Variants in DDR2 observed in about 807,000 individuals in gnomAD.
The protein encoded by DDR2 is discoidin domain-containing receptor 2.
In DDR2, 27 loss-of-function variants were observed where a neutral mutation model predicts 94.9. That is an observed-to-expected ratio of 0.28 (90% confidence interval 0.21 to 0.39). The LOEUF (loss-of-function observed/expected upper bound fraction) is 0.39, where lower values mean the gene tolerates loss of function less well. DDR2 is among the 10% of genes least tolerant of loss of function. DDR2 has a pLI of 1.00. For missense variants in DDR2, 783 were observed against 1,076.0 expected (o/e 0.73, Z 3.81); for synonymous variants, 382 against 377.2 (o/e 1.01, Z -0.15).
At chr1:162,751,059 G>A (rs1338630781) in intron 3 of DDR2, among the ~76,000 whole-genome samples, 1 of 152,128 alleles carries the variant, frequency 6.6e-6, no homozygotes, top group African/African-American at 2.4e-5. Flanking sequence ...GAAAACCTAG[G>A]CAATACCATT....
intron 2 of DDR2, among the ~76,000 whole-genome samples, chr1:162,703,380 T>G (rs954364294): frequency 6.6e-6 from 1 of 152,130 alleles, no homozygotes; most frequent in Non-Finnish European, 1.5e-5. Flanking sequence ...GAGCCTGCTA[T>G]TATGCTATTG....
intron 1 of DDR2, among the ~76,000 whole-genome samples, chr1:162,649,060 A>G (rs1243041120): frequency 6.6e-6 from 1 of 152,106 alleles, no homozygotes; most frequent in Non-Finnish European, 1.5e-5. Flanking sequence ...CCTACAAAGC[A>G]AGTCTTGCTA....
chr1:162,654,019 C>T (rs1035644481), intron 1 of DDR2, among the ~76,000 whole-genome samples: 1 of 152,110 alleles, frequency 6.6e-6, no homozygotes, highest in African/African-American at 2.4e-5. Context: ...TTCAGAGGGA[C>T]ACAACAGATC....
chr1:162,741,258 GTAATGTAATATAATATAATA>G (rs1484628099), intron 3 of DDR2, among the ~76,000 whole-genome samples: 4 of 107,048 alleles, frequency 3.7e-5, no homozygotes, highest in African/African-American at 1.5e-4. Context: ...ATAATGTAAT[GTAATGTAATATAATATAATA>G]TAATATAATA....
chr1:162,669,783 A>G (rs573570528), intron 2 of DDR2, among the ~76,000 whole-genome samples: 4 of 152,296 alleles, frequency 2.6e-5, no homozygotes, highest in Admixed American at 1.3e-4. Context: ...GAAATGTTCT[A>G]CATATTATTT....
intron 2 of DDR2, among the ~76,000 whole-genome samples, chr1:162,666,619 A>G (rs1658582676): frequency 6.6e-6 from 1 of 152,288 alleles, no homozygotes; most frequent in East Asian, 1.9e-4. Flanking sequence ...GTGTTCCATA[A>G]GGAGCATGTA....
chr1:162,773,351 CTT>C, intron 13 of DDR2, 116 bp from the exon 14 acceptor site: 1 of 1,375,984 alleles, frequency 7.3e-7, no homozygotes, highest in East Asian at 2.3e-5. Context: ...TCTTATTGGT[CTT>C]TTGATCATTT....
chr1:162,696,302 T>A (rs1660186227), intron 2 of DDR2, among the ~76,000 whole-genome samples: 1 of 149,886 alleles, frequency 6.7e-6, no homozygotes, highest in South Asian at 2.1e-4. Context: ...GTGTGGTGAG[T>A]GTGCATGCTC....
intron 8 of DDR2, 149 bp from the exon 9 acceptor site, chr1:162,761,062 T>C: frequency 8.6e-7 from 1 of 1,165,712 alleles, no homozygotes; most frequent in African/African-American, 1.5e-5. Flanking sequence ...GAAATGTACC[T>C]AGGAGGAAGC....
intron 1 of DDR2, among the ~76,000 whole-genome samples, 157 bp from the exon 2 acceptor site, chr1:162,655,054 C>T (rs1015758571): frequency 4.6e-5 from 7 of 152,106 alleles, no homozygotes; most frequent in African/African-American, 1.7e-4. Flanking sequence ...GTATAAACAA[C>T]ATCCCTCCGA....
chr1:162,753,115 G>T lies in DDR2; in HGVS notation c.103G>T (p.Gly35Cys). 6.2e-7 allele frequency: 1 copy of T among 1,613,436 alleles called. No individual in the cohort carries two copies. The highest frequency in any genetic ancestry group is 1.1e-5 in the South Asian group (1 of 91,048). ...TCTAGCTATATGCCGCTATCCTCTG[G>T]GCATGTCAGGAGGCCAGATTCCAGA... ...VNPAICRYPL[G>C]MSGGQIPDED... The change falls in exon 4 of 18, where the codon GGC (glycine) becomes TGC (cysteine). Residue 35 changes from glycine to cysteine, a missense_variant. Physicochemically the swap from Gly to Cys is radical, Grantham distance 159. Around this residue, in one of 2 missense-constraint regions of DDR2, gnomAD observed 519 missense variants for 647.9 expected, o/e 0.80. Coordinates refer to ENST00000367921, the MANE Select transcript of DDR2 (RefSeq NM_006182.4).
At chr1:162,673,809 T>G (rs1340967979) in intron 2 of DDR2, among the ~76,000 whole-genome samples, 1 of 152,096 alleles carries the variant, frequency 6.6e-6, no homozygotes, top group Non-Finnish European at 1.5e-5. Context: ...GCTATGTCCA[T>G]TTCAGCCGAC....
At chr1:162,725,265 G>A (rs1456663716) in intron 3 of DDR2, among the ~76,000 whole-genome samples, 1 of 152,142 alleles carries the variant, frequency 6.6e-6, no homozygotes, top group African/African-American at 2.4e-5. Context: ...AAGCTAAGTG[G>A]CAGAACCGGC....
rs1194117620 is a variant in DDR2, at chr1:162,753,155, C to T, written c.143C>T (p.Ala48Val). 4 of 1,613,690 alleles carry T rather than the reference C, an allele frequency of 2.5e-6. No homozygotes were observed. In the South Asian group the frequency reaches 3.3e-5, roughly 13 times the overall value. ...GGQIPDEDIT[A>V]SSQWSESTAA... ...CAGATTCCAGATGAGGACATCACAG[C>T]TTCCAGTCAGTGGTCAGAGTCCACA... Residue 48 changes from alanine to valine, a missense_variant, in exon 4 of 18, where the codon GCT (alanine) becomes GTT (valine). Transcript: ENST00000367921.
At chr1:162,656,833 G>GTTTTGTTTTTTT (rs1558008740) in intron 2 of DDR2, among the ~76,000 whole-genome samples, 38 of 65,682 alleles carry the variant, frequency 5.8e-4, no homozygotes, top group Non-Finnish European at 9.6e-4. Flanking sequence ...TGCCACTGGA[G>GTTTTGTTTTTTT]TTTTTTTTTT....
intron 12 of DDR2, 50 bp downstream of exon 12, chr1:162,770,562 A>T: frequency 6.4e-7 from 1 of 1,569,648 alleles, no homozygotes; most frequent in Non-Finnish European, 8.8e-7. Flanking sequence ...CTCAGCAAGC[A>T]TCAGGTAGGT....
Position 162,775,711 on chromosome 1 carries a change from A to G in DDR2, c.1916A>G (p.His639Arg), listed in dbSNP as rs768416932. 2 of 1,614,100 alleles carry G rather than the reference A, an allele frequency of 1.2e-6. No homozygotes were observed. The highest frequency in any genetic ancestry group is 1.1e-5 in the South Asian group (1 of 91,080). ...CGGCTCAAGGACCCAAACATCATCC[A>G]TCTATTAGCTGTGTGTATCACTGAT... is the stretch of plus-strand genomic sequence containing the variant. ...MSRLKDPNII[H>R]LLAVCITDDP... Residue 639 changes from histidine (H) to arginine (R), a missense_variant, in exon 15 of 18, where the codon CAT becomes CGT. Coordinates refer to ENST00000367921, the MANE Select transcript of DDR2 (RefSeq NM_006182.4).
At chr1:162,636,782 G>A (rs1656845437) in intron 1 of DDR2, among the ~76,000 whole-genome samples, 1 of 152,210 alleles carries the variant, frequency 6.6e-6, no homozygotes, top group South Asian at 2.1e-4. Context: ...AATCCTTAGG[G>A]CCTTAATAGC....
Position 162,773,605 on chromosome 1 carries a change from T to C in DDR2, c.1856+9T>C, listed in dbSNP as rs1355936711. ...GCCAACAAGAATGCCAGGTCTGTGG[T>C]CTACATTTTGAATTTTCCTTTAGGT... On this transcript the variant is annotated intron_variant, in intron 14 of 17. Coordinates refer to ENST00000367921, the MANE Select transcript of DDR2 (RefSeq NM_006182.4). 6.2e-7 allele frequency: 1 copy of C among 1,613,854 alleles called. No individual in the cohort carries two copies. The highest frequency in any genetic ancestry group is 1.7e-5 in the Admixed American group (1 of 60,016).
Sources: allele counts gnomAD v4.1 joint callset (sites outside exome capture counted in the v4.1 genomes callset), GRCh38; gene constraint gnomAD v4.1.1; regional missense constraint gnomAD v4.1.1; transcripts MANE v1.5; gene names NCBI Gene and HGNC (gene_info 2026-07-23, HGNC 2026-07-21).